The following EPHA6 variants were observed in gnomAD, a reference collection of about 807,000 sequenced individuals.
The protein encoded by EPHA6 is ephrin type-A receptor 6.
EPHA6 carries 50 observed loss-of-function variants against 112.0 expected under a neutral mutation model. That is an observed-to-expected ratio of 0.45 (90% CI 0.36 to 0.56). EPHA6 has a LOEUF of 0.56. EPHA6 is among the 20% of genes least tolerant of loss of function. EPHA6 has a pLI of 0.00. For synonymous variants in EPHA6, 529 were observed against 490.7 expected, an observed-to-expected ratio of 1.08 and a Z score of -1.03; for missense variants, 1,280 against 1,417.4, an observed-to-expected ratio of 0.90 and a Z score of 1.56.
intron 1 of EPHA6, among the ~76,000 whole-genome samples, chr3:96,821,752 G>T (rs1474519766): frequency 2.0e-5 from 3 of 151,642 alleles, no homozygotes; most frequent in African/African-American, 2.4e-5. Context: ...TTTATGTAAA[G>T]ATTTATTTAA....
chr3:96,827,972 G>A (rs1022916566), intron 1 of EPHA6, among the ~76,000 whole-genome samples: 14 of 152,004 alleles, frequency 9.2e-5, no homozygotes, highest in Non-Finnish European at 2.1e-4. Context: ...TTAAAAATTC[G>A]TGATTATTGT....
At chr3:97,288,190 G>C (rs960233880) in intron 5 of EPHA6, among the ~76,000 whole-genome samples, 2 of 152,186 alleles carry the variant, frequency 1.3e-5, no homozygotes, top group Non-Finnish European at 2.9e-5. Flanking sequence ...CACCCAGGTA[G>C]TGAGCATAGC....
At chr3:97,517,851 T>A (rs1490652736) in intron 10 of EPHA6, among the ~76,000 whole-genome samples, 1 of 152,188 alleles carries the variant, frequency 6.6e-6, no homozygotes, top group Non-Finnish European at 1.5e-5. Context: ...GTGCTATTTG[T>A]CTTACTGTTT....
At chr3:97,742,031 C>T (rs1259540090) in intron 16 of EPHA6, among the ~76,000 whole-genome samples, 1 of 152,096 alleles carries the variant, frequency 6.6e-6, no homozygotes, top group Non-Finnish European at 1.5e-5. Context: ...GTAATAGCAA[C>T]AATATAGAGA....
At chr3:97,120,004 A>G (rs1357520082) in intron 3 of EPHA6, among the ~76,000 whole-genome samples, 1 of 152,012 alleles carries the variant, frequency 6.6e-6, no homozygotes, top group African/African-American at 2.4e-5. Flanking sequence ...AGTCACTGAT[A>G]AAATCACATG....
intron 5 of EPHA6, among the ~76,000 whole-genome samples, chr3:97,284,795 T>C (rs1367311032): frequency 6.6e-6 from 1 of 152,174 alleles, no homozygotes; most frequent in Non-Finnish European, 1.5e-5. Context: ...TCCCAATTAA[T>C]ACAAATATGT....
chr3:96,826,898 T>G (rs1371976988), intron 1 of EPHA6, among the ~76,000 whole-genome samples: 6 of 152,150 alleles, frequency 3.9e-5, no homozygotes, highest in Non-Finnish European at 8.8e-5. Flanking sequence ...AATAAGTACT[T>G]CATATACTAG....
intron 3 of EPHA6, among the ~76,000 whole-genome samples, chr3:97,203,597 A>G (rs558831630): frequency 2.6e-5 from 4 of 152,116 alleles, no homozygotes; most frequent in Non-Finnish European, 5.9e-5. Flanking sequence ...CTAATGAAAT[A>G]TTTAAGGGAC....
intron 2 of EPHA6, among the ~76,000 whole-genome samples, chr3:96,986,262 A>G (rs938391817): frequency 6.6e-6 from 1 of 152,206 alleles, no homozygotes; most frequent in African/African-American, 2.4e-5. Flanking sequence ...AAGTCTTTCT[A>G]TGCAATCAAG....
At chr3:97,557,777 GT>G (rs2093133401) in intron 11 of EPHA6, among the ~76,000 whole-genome samples, 1 of 151,262 alleles carries the variant, frequency 6.6e-6, no homozygotes, top group South Asian at 2.1e-4. Context: ...CCATTCTCCT[GT>G]GATTTTAAGA....
At chr3:97,555,564 T>C (rs1481464285) in intron 11 of EPHA6, among the ~76,000 whole-genome samples, 1 of 152,206 alleles carries the variant, frequency 6.6e-6, no homozygotes, top group East Asian at 1.9e-4. Flanking sequence ...GTGTTCTTAT[T>C]TCTCCACATC....
rs746454610 is a variant in EPHA6, at chr3:96,814,794, A to AGAG, written c.183_185dup (p.Glu63dup). ...CCCCTGCGGGCCGGGTGGAGGAGGA[A>AGAG]GAGGAGGAGGAGGAAGAAGACGTGG... On this transcript the variant is annotated inframe_insertion, in exon 1 of 18. Transcript: ENST00000389672. 1.3e-5 allele frequency: 21 copies of AGAG among 1,602,134 alleles called. No homozygotes were observed. Among genetic ancestry groups the AGAG allele is most frequent in the South Asian group, 1.0e-4 (9 of 89,954 alleles).
chr3:97,358,988 C>A (rs977893546), intron 5 of EPHA6, among the ~76,000 whole-genome samples: 5 of 147,410 alleles, frequency 3.4e-5, no homozygotes, highest in African/African-American at 1.2e-4. Context: ...TTTTCTCTTT[C>A]TTTTGAAATT....
intron 10 of EPHA6, among the ~76,000 whole-genome samples, chr3:97,504,479 C>T (rs1376891425): frequency 6.6e-6 from 1 of 152,162 alleles, no homozygotes; most frequent in African/African-American, 2.4e-5. Flanking sequence ...TGCATGTGGG[C>T]CCTTAGCTTG....
rs192359453 is a variant in EPHA6 at position 97,072,494 on chromosome 3, C to A, written c.1114+84501C>A. Among the ~76,000 whole-genome samples, 8 of 152,128 alleles carry A rather than the reference C, an allele frequency of 5.3e-5. No homozygotes were observed. The East Asian group carries it at 1.6e-3, about 30-fold the overall frequency. On this transcript the variant is annotated intron_variant, in intron 3 of 17. Transcript: ENST00000389672. Reference sequence around the variant, plus strand: ...CTTTATCACAGCCGTTAGAAGGCACCAACCCTGCCTACATCTTGATATTGG... The same window carrying A: ...CTTTATCACAGCCGTTAGAAGGCACAAACCCTGCCTACATCTTGATATTGG...
chr3:97,023,837 C>T (rs955498295), intron 3 of EPHA6, among the ~76,000 whole-genome samples: 26 of 152,172 alleles, frequency 1.7e-4, no homozygotes, highest in Non-Finnish European at 2.4e-4. Context: ...GTAAGATTAG[C>T]GGAATGAATC....
chr3:97,683,610 T>G (rs769506050), intron 14 of EPHA6, among the ~76,000 whole-genome samples: 1 of 152,112 alleles, frequency 6.6e-6, no homozygotes, highest in Non-Finnish European at 1.5e-5. Flanking sequence ...GTTTTCTAGC[T>G]TACTAAAAAT....
At chr3:97,173,986 T>A (rs866596736) in intron 3 of EPHA6, among the ~76,000 whole-genome samples, 4 of 151,666 alleles carry the variant, frequency 2.6e-5, no homozygotes, top group South Asian at 2.1e-4. Context: ...TCATTCTTTC[T>A]ATTTTTTTTA....
At chr3:97,403,088 T>G (rs533303682) in intron 5 of EPHA6, among the ~76,000 whole-genome samples, 15 of 151,738 alleles carry the variant, frequency 9.9e-5, no homozygotes, top group Admixed American at 9.8e-4. Flanking sequence ...TATCTGACAC[T>G]TTTTATTTTT....
Sources: gnomAD v4.1 joint callset for allele counts (sites outside exome capture counted in the v4.1 genomes callset) on GRCh38, gnomAD v4.1.1 for gene constraint, MANE v1.5 for transcripts, NCBI Gene and HGNC (gene_info 2026-07-23, HGNC 2026-07-21) for gene names.